The following SMC1A variants were observed in gnomAD, a reference collection of about 807,000 sequenced individuals.
The protein encoded by SMC1A is structural maintenance of chromosomes protein 1A.
In SMC1A, 4 loss-of-function variants were observed where a neutral mutation model predicts 94.5. The observed-to-expected ratio is 0.04, with a 90% CI of 0.02 to 0.10. The LOEUF (loss-of-function observed/expected upper bound fraction) is 0.10, where lower values mean the gene tolerates loss of function less well. Among genes scored for constraint, SMC1A ranks in the 10% least tolerant of loss-of-function variants. SMC1A has a pLI of 1.00. For synonymous variants in SMC1A, 345 were observed against 347.7 expected, an observed-to-expected ratio of 0.99 and a Z score of 0.09; for missense variants, 304 against 989.0, an observed-to-expected ratio of 0.31 and a Z score of 9.29.
intron 19 of SMC1A, among the ~76,000 whole-genome samples, chrX:53,392,699 C>T (rs1427786743): frequency 8.9e-6 from 1 of 111,834 alleles, no homozygotes; most frequent in Non-Finnish European, 1.9e-5. Flanking sequence ...CCACCTGCCT[C>T]AGCCTCTCAA....
intron 5 of SMC1A, among the ~76,000 whole-genome samples, chrX:53,412,599 T>A (rs1383690101): frequency 8.9e-6 from 1 of 111,895 alleles, no homozygotes; most frequent in Non-Finnish European, 1.9e-5. Flanking sequence ...TTTCCTCTTC[T>A]AGGAAGGCCT....
rs1257004778 is a variant in SMC1A, at chrX:53,377,389, G to T, written c.*2714C>A. ...TGCTGGCTGAATCAGATTTCCAGAG[G>T]TGGGACCAGAGCAATTTATTTTTAA... is the stretch of plus-strand genomic sequence containing the variant. On this transcript the variant is annotated 3_prime_UTR_variant, in exon 25 of 25. Coordinates refer to ENST00000322213, the MANE Select transcript of SMC1A (RefSeq NM_006306.4). The T allele has an allele frequency of 1.8e-5, 2 of 112,132 alleles. No homozygotes were observed. The highest frequency in any genetic ancestry group is 3.8e-5 in the Non-Finnish European group (2 of 53,185). 9.2% of individuals were successfully genotyped at this position (112,132 alleles called of 1,213,427 possible). A position where few individuals can be genotyped will look rare whatever the true frequency, so the allele number is the denominator to read the frequency against.
At chrX:53,421,345 C>G (rs1316345729) in intron 1 of SMC1A, among the ~76,000 whole-genome samples, 5 of 112,151 alleles carry the variant, frequency 4.5e-5, no homozygotes, top group African/African-American at 1.6e-4. Context: ...TCCTACAATG[C>G]ACAGAGCACA....
intron 6 of SMC1A, 30 bp downstream of exon 6, chrX:53,411,965 T>A (rs1276691087): frequency 5.8e-6 from 7 of 1,208,869 alleles, no homozygotes; most frequent in East Asian, 5.9e-5. Context: ...CCCAGGGATC[T>A]CCTCCCTGCC....
chrX:53,396,456 G>A lies in SMC1A; in HGVS notation c.2708+16C>T, dbSNP rs1391014307. Reference sequence around the variant, plus strand: ...CTCTATCTACGTCCTCCCACCCCAGGCCTGAACCCACTCACTTGTTGGCGC... The same window carrying A: ...CTCTATCTACGTCCTCCCACCCCAGACCTGAACCCACTCACTTGTTGGCGC... On this transcript the variant is annotated intron_variant, in intron 17 of 24. Transcript: ENST00000322213. 5 of 1,208,615 alleles carry A rather than the reference G, an allele frequency of 4.1e-6. No individual in the cohort carries two copies. The highest frequency in any genetic ancestry group is 5.6e-6 in the Non-Finnish European group (5 of 894,868).
At chrX:53,421,859 T>C (rs1556892092) in intron 1 of SMC1A, 1 of 1,170,478 alleles carries the variant, frequency 8.5e-7, no homozygotes, top group South Asian at 1.9e-5. Context: ...TTTGACGGTT[T>C]CGGTGGTAGG....
In SMC1A at chrX:53,376,014, T is replaced by C. The variant is rs2075558522; in HGVS notation, c.*4089A>G. On this transcript the variant is annotated 3_prime_UTR_variant, in exon 25 of 25. Transcript: ENST00000322213. ...TCATTCATTCAAAAACTTTACTGGG[T>C]GCCTGTTTTGTGTCAGGCACTGTGC... is the stretch of plus-strand genomic sequence containing the variant. The C allele has an allele frequency of 8.9e-6, 1 of 112,548 alleles. No individual in the cohort carries two copies. The highest frequency in any genetic ancestry group is 3.2e-5 in the African/African-American group (1 of 30,912). The allele number at this position is 112,548 out of a possible 1,213,427, so 9.3% of individuals were successfully genotyped here. A position where few individuals can be genotyped will look rare whatever the true frequency, so the allele number is the denominator to read the frequency against.
At chrX:53,394,735 A>AACCCCCCCCCCC (rs1569354665) in intron 19 of SMC1A, 43 bp downstream of exon 19, 1 of 267,622 alleles carries the variant, frequency 3.7e-6, no homozygotes. Flanking sequence ...TCCCACTCCC[A>AACCCCCCCCCCC]CCCAACCCCC....
At chrX:53,422,419 G>C in intron 1 of SMC1A, 73 bp downstream of exon 1, 4 of 729,901 alleles carry the variant, frequency 5.5e-6, no homozygotes, top group Non-Finnish European at 8.7e-6. Flanking sequence ...CATGGGCTGG[G>C]TTGTACTACT....
intron 19 of SMC1A, 21 bp downstream of exon 19, chrX:53,394,757 A>ACCCCCCCCCCCC: frequency 3.5e-6 from 1 of 284,084 alleles, no homozygotes; most frequent in Non-Finnish European, 6.0e-6. Flanking sequence ...CCCCCACCAC[A>ACCCCCCCCCCCC]CCCCTGTGGT....
intron 1 of SMC1A, among the ~76,000 whole-genome samples, chrX:53,418,553 G>C (rs1022760438): frequency 1.3e-4 from 15 of 112,301 alleles, no homozygotes; most frequent in Non-Finnish European, 2.3e-4. Context: ...TCCTGTCTCA[G>C]CCTCCCAAGT....
rs1181352125 is a variant in SMC1A at position 53,378,058 on chromosome X, T to C, written c.*2045A>G. 2.7e-5 allele frequency: 3 copies of C among 112,388 alleles called. No individual in the cohort carries two copies. Among genetic ancestry groups the C allele is most frequent in the African/African-American group, 6.5e-5 (2 of 30,807 alleles). The allele number at this position is 112,388 out of a possible 1,213,427, so 9.3% of individuals were successfully genotyped here. A position where few individuals can be genotyped will look rare whatever the true frequency, so the allele number is the denominator to read the frequency against. On this transcript the variant is annotated 3_prime_UTR_variant, in exon 25 of 25. Transcript: ENST00000322213. ...CATCAAACCTGTGATTTCACAGATA[T>C]CACTACTTGGGATGAAAATGATATA...
At chrX:53,406,053 C>A (rs1455574220) in intron 9 of SMC1A, 97 bp from the exon 10 acceptor site, 5 of 805,113 alleles carry the variant, frequency 6.2e-6, no homozygotes, top group African/African-American at 2.0e-5. Context: ...AGACTAGAAT[C>A]TATATCAGGA....
chrX:53,406,463 T>C (rs1366456006), intron 9 of SMC1A, among the ~76,000 whole-genome samples: 1 of 111,803 alleles, frequency 8.9e-6, no homozygotes, highest in East Asian at 2.8e-4. Context: ...CATTAACACC[T>C]CAAAAGAGGT....
intron 9 of SMC1A, among the ~76,000 whole-genome samples, chrX:53,407,938 T>C (rs1473479057): frequency 8.9e-6 from 1 of 111,737 alleles, no homozygotes; most frequent in Non-Finnish European, 1.9e-5. Context: ...AGAATCATCT[T>C]TCTAAACCTC....
At chrX:53,398,003 T>C (rs782806195) in intron 16 of SMC1A, among the ~76,000 whole-genome samples, 260 of 108,175 alleles carry the variant, frequency 2.4e-3, no homozygotes, top group African/African-American at 8.2e-3. Context: ...CTGGCGAACA[T>C]TGTGAAACCC....
At position 53,382,515 on chromosome X, in the gene SMC1A, G is replaced by A; in HGVS notation, c.3276C>T (p.Ser1092=). 1 of 1,209,785 alleles carries A rather than the reference G, an allele frequency of 8.3e-7. No individual in the cohort carries two copies. The highest frequency in any genetic ancestry group is 1.1e-6 in the Non-Finnish European group (1 of 894,435). ...AGGGGCTCCAGCCTACCTGGGCACT[G>A]CTATTGCGGGACAGGGCCTTATAGA... The part of the protein sequence containing the change: ...DEIYKALSRN[S]SAQAFLGPEN... Residue 1092 remains serine (S), a synonymous_variant, in exon 21 of 25, where the codon AGC becomes AGT. Coordinates refer to ENST00000322213, the MANE Select transcript of SMC1A (RefSeq NM_006306.4).
rs781908069 is a variant in SMC1A at position 53,418,998 on chromosome X, G to A, written c.109+3494C>T. The stretch of plus-strand genomic sequence containing the variant: ...GGAGGTTACAGTGAGCTGAGATCGC[G>A]CCACTGCACTCCAACCTGGGCGACA... On this transcript the variant is annotated intron_variant, in intron 1 of 24. Coordinates refer to ENST00000322213, the MANE Select transcript of SMC1A (RefSeq NM_006306.4). Among the ~76,000 whole-genome samples the A allele has an allele frequency of 2.4e-4, 22 of 93,003 alleles. No individual in the cohort carries two copies. The East Asian group carries it at 2.7e-3, about 11-fold the overall frequency. 80.8% of individuals were successfully genotyped at this position (93,003 alleles called of 115,157 possible). A position where few individuals can be genotyped will look rare whatever the true frequency, so the allele number is the denominator to read the frequency against.
chrX:53,412,329 A>G, intron 5 of SMC1A, 76 bp from the exon 6 acceptor site: 3 of 1,066,689 alleles, frequency 2.8e-6, no homozygotes, highest in Non-Finnish European at 3.9e-6. Context: ...CACCCAAAGG[A>G]GAGCTTGAGC....
Sources: gnomAD v4.1 joint callset for allele counts (sites outside exome capture counted in the v4.1 genomes callset) on GRCh38, gnomAD v4.1.1 for gene constraint, MANE v1.5 for transcripts, NCBI Gene and HGNC (gene_info 2026-07-23, HGNC 2026-07-21) for gene names.